MAP4K3: variants seen among roughly 807,000 people sequenced by gnomAD.
MAP4K3 encodes mitogen-activated protein kinase kinase kinase kinase 3.
Under a neutral mutation model 143.5 loss-of-function variants are expected in MAP4K3, and 94 were observed. That is an observed-to-expected ratio of 0.65 (90% CI 0.55 to 0.78). The LOEUF (loss-of-function observed/expected upper bound fraction) is 0.78. Among genes scored for constraint, MAP4K3 ranks in the 30% least tolerant of loss-of-function variants. The pLI is 0.00. For missense variants in MAP4K3, 1,077 were observed against 1,068.1 expected, an observed-to-expected ratio of 1.01 and a Z score of -0.12; for synonymous variants, 416 against 347.2, an observed-to-expected ratio of 1.20 and a Z score of -2.20.
rs1206690314 is a variant in MAP4K3 at position 39,416,004 on chromosome 2, T to TATATATATAA, written c.96+20887_96+20888insTTATATATAT. 1.6e-3 allele frequency among the ~76,000 whole-genome samples: 123 copies of TATATATATAA among 76,046 alleles called. 1 individual carries two copies. The highest frequency in any genetic ancestry group is 2.3e-3 in the Non-Finnish European group (95 of 41,384). The allele number at this position is 76,046 out of a possible 152,430, so 49.9% of individuals were successfully genotyped here. On this transcript the variant is annotated intron_variant, in intron 1 of 33. Coordinates refer to ENST00000263881, the MANE Select transcript of MAP4K3 (RefSeq NM_003618.4). ...AAATATATATATATATATATATATATAAAAATAACATTTGGAAGAATAAAT... is the reference window on the plus strand; with the variant it reads ...AAATATATATATATATATATATATATATATATATAAAAAAATAACATTTGGAAGAATAAAT...
In MAP4K3 at chr2:39,288,110, T is replaced by A. The variant is rs578175829; in HGVS notation, c.1474+11A>T. ...CCTGGTAACATATTTGCTGTCACCC[T>A]CCACCATTACCTAAGGCAACAGGTT... On this transcript the variant is annotated intron_variant, in intron 20 of 33. Coordinates refer to ENST00000263881, the MANE Select transcript of MAP4K3 (RefSeq NM_003618.4). The A allele has an allele frequency of 3.7e-6, 6 of 1,613,752 alleles. No homozygotes were observed. In the Admixed American group the frequency reaches 1.0e-4, roughly 27 times the overall value.
In MAP4K3 at chr2:39,272,560, CAA is replaced by C; in HGVS notation, c.1795-20_1795-19del. ...GGGAATAGCTGATTAAAAAAAGGCA[CAA>C]AGTTTACAAAGAATAATACATAATG... On this transcript the variant is annotated intron_variant, in intron 24 of 33. Coordinates refer to ENST00000263881, the MANE Select transcript of MAP4K3 (RefSeq NM_003618.4). The C allele has an allele frequency of 1.9e-6, 3 of 1,599,624 alleles. No individual in the cohort carries two copies. In the East Asian group the frequency reaches 6.7e-5, roughly 36 times the overall value.
intron 1 of MAP4K3, among the ~76,000 whole-genome samples, chr2:39,426,043 G>A (rs1665067828): frequency 6.6e-6 from 1 of 151,980 alleles, no homozygotes; most frequent in Non-Finnish European, 1.5e-5. Flanking sequence ...ATTAGAAAAG[G>A]AAGAGATAAT....
intron 1 of MAP4K3, among the ~76,000 whole-genome samples, chr2:39,385,481 C>T (rs751921282): frequency 6.7e-5 from 10 of 148,540 alleles, no homozygotes; most frequent in Non-Finnish European, 1.0e-4. Flanking sequence ...CTTTGATGAA[C>T]TGTTTTCCAG....
At position 39,437,006 on chromosome 2, in the gene MAP4K3, C is replaced by A. The variant is rs1296489530; in HGVS notation, c.-19G>T. On this transcript the variant is annotated 5_prime_UTR_variant, in exon 1 of 34. Transcript: ENST00000263881. ...GGTTCATGGCGGGCCCCAGGTGCCC[C>A]CCGCCTCCCTCCCGGGCAGGGGAGG... 6.2e-7 allele frequency: 1 copy of A among 1,603,440 alleles called. No homozygotes were observed. Among genetic ancestry groups the A allele is most frequent in the South Asian group, 1.1e-5 (1 of 90,382 alleles).
intron 1 of MAP4K3, among the ~76,000 whole-genome samples, chr2:39,424,442 C>T (rs921724381): frequency 6.6e-6 from 1 of 151,954 alleles, no homozygotes; most frequent in Non-Finnish European, 1.5e-5. Flanking sequence ...CAGTCGTGGG[C>T]CCACTCAAAA....
At position 39,267,253 on chromosome 2, in the gene MAP4K3, T is replaced by C. The variant is rs772015069; in HGVS notation, c.1974-6A>G. 6.2e-6 allele frequency: 10 copies of C among 1,612,474 alleles called. No homozygotes were observed. Among genetic ancestry groups the C allele is most frequent in the East Asian group, 4.5e-5 (2 of 44,848 alleles). On this transcript the variant is annotated splice_polypyrimidine_tract_variant and splice_region_variant and intron_variant, in intron 26 of 33. Transcript: ENST00000263881. ...TTGCTGATACAGAAAATTTCCTAAA[T>C]GTAAATAAAAGTGAGTACGTAATAT... is the stretch of plus-strand genomic sequence containing the variant.
At chr2:39,394,646 T>C (rs1435562043) in intron 1 of MAP4K3, among the ~76,000 whole-genome samples, 1 of 152,028 alleles carries the variant, frequency 6.6e-6, no homozygotes. Flanking sequence ...CAAAACAGCA[T>C]ATTCACAAAT....
chr2:39,272,242 G>A, intron 26 of MAP4K3, 41 bp downstream of exon 26: 2 of 1,380,282 alleles, frequency 1.4e-6, no homozygotes, highest in Non-Finnish European at 2.0e-6. Flanking sequence ...TTATGAGAAT[G>A]AACTGTTAAT....
intron 1 of MAP4K3, among the ~76,000 whole-genome samples, chr2:39,427,939 C>T (rs1386139956): frequency 6.6e-6 from 1 of 152,190 alleles, no homozygotes; most frequent in Non-Finnish European, 1.5e-5. Context: ...TTAGGTTCTA[C>T]AGCAGTATTT....
intron 13 of MAP4K3, among the ~76,000 whole-genome samples, chr2:39,313,920 T>C (rs896408060): frequency 2.6e-5 from 4 of 152,252 alleles, no homozygotes; most frequent in African/African-American, 9.6e-5. Flanking sequence ...ATAAAGGGAC[T>C]GACAATGTAA....
chr2:39,371,249 T>C (rs981943819), intron 2 of MAP4K3, among the ~76,000 whole-genome samples: 7 of 152,214 alleles, frequency 4.6e-5, no homozygotes, highest in Non-Finnish European at 1.0e-4. Context: ...AGTGGTGTTT[T>C]GATAGGCTTA....
chr2:39,322,702 C>T (rs1183639987), intron 12 of MAP4K3, among the ~76,000 whole-genome samples: 1 of 149,908 alleles, frequency 6.7e-6, no homozygotes, highest in Non-Finnish European at 1.5e-5. Context: ...TGGAGTCTCG[C>T]TCTGTTGCCC....
intron 2 of MAP4K3, among the ~76,000 whole-genome samples, chr2:39,362,581 G>C (rs1665800064): frequency 6.6e-6 from 1 of 152,186 alleles, no homozygotes; most frequent in Non-Finnish European, 1.5e-5. Context: ...GACATGCCAT[G>C]TTTATGGACT....
intron 14 of MAP4K3, 74 bp downstream of exon 14, chr2:39,309,387 G>C (rs1245185858): frequency 1.7e-6 from 2 of 1,154,342 alleles, no homozygotes; most frequent in Non-Finnish European, 1.3e-6. Context: ...TTTTTGGTCA[G>C]TACTAATACA....
At chr2:39,353,304 T>C (rs2148548286) in intron 3 of MAP4K3, among the ~76,000 whole-genome samples, 1 of 152,276 alleles carries the variant, frequency 6.6e-6, no homozygotes, top group East Asian at 1.9e-4. Context: ...TGAACTTCAA[T>C]TAGGGAATAA....
At chr2:39,296,573 C>T (rs1401243360) in intron 16 of MAP4K3, among the ~76,000 whole-genome samples, 2 of 152,090 alleles carry the variant, frequency 1.3e-5, no homozygotes, top group African/African-American at 4.8e-5. Context: ...CTAAAATGAC[C>T]ACCAAAATAC....
chr2:39,424,460 T>A (rs1004607363), intron 1 of MAP4K3, among the ~76,000 whole-genome samples: 2 of 151,928 alleles, frequency 1.3e-5, no homozygotes, highest in Admixed American at 6.6e-5. Context: ...AAACAGCACA[T>A]TGGAACGGAG....
intron 1 of MAP4K3, among the ~76,000 whole-genome samples, chr2:39,431,122 G>C (rs1665271113): frequency 6.6e-6 from 1 of 152,122 alleles, no homozygotes; most frequent in African/African-American, 2.4e-5. Flanking sequence ...ATAAACATGT[G>C]GTGATACATG....
Sources: allele counts gnomAD v4.1 joint callset (sites outside exome capture counted in the v4.1 genomes callset), GRCh38; gene constraint gnomAD v4.1.1; transcripts MANE v1.5; gene names NCBI Gene and HGNC (gene_info 2026-07-23, HGNC 2026-07-21).